KDM2A: variants seen among roughly 807,000 people sequenced by gnomAD.
KDM2A encodes lysine demethylase 2A.
Under a neutral mutation model 137.3 loss-of-function variants are expected in KDM2A, and 3 were observed. The ratio of observed to expected loss-of-function variants is 0.02; its 90% CI spans 0.01 to 0.06. The LOEUF (loss-of-function observed/expected upper bound fraction) is 0.06. KDM2A is among the 10% of genes least tolerant of loss of function. The pLI is 1.00. For missense variants in KDM2A, 738 were observed against 1,510.6 expected, an observed-to-expected ratio of 0.49 and a Z score of 8.48; for synonymous variants, 512 against 541.5, an observed-to-expected ratio of 0.95 and a Z score of 0.76.
At chr11:67,234,321 G>A (rs970149652) in intron 12 of KDM2A, among the ~76,000 whole-genome samples, 2 of 152,168 alleles carry the variant, frequency 1.3e-5, no homozygotes, top group African/African-American at 4.8e-5. Context: ...TTCAGTGGGG[G>A]ACAAAGCTAG....
intron 2 of KDM2A, among the ~76,000 whole-genome samples, chr11:67,131,300 G>C (rs1013297169): frequency 6.6e-6 from 1 of 151,694 alleles, no homozygotes; most frequent in South Asian, 2.1e-4. Context: ...CTCCAGCCTG[G>C]GTGACAAGAG....
chr11:67,143,700 T>A (rs1856176482), intron 2 of KDM2A, among the ~76,000 whole-genome samples: 1 of 152,040 alleles, frequency 6.6e-6, no homozygotes, highest in African/African-American at 2.4e-5. Flanking sequence ...TGACGCGATC[T>A]TGGCTCACTG....
chr11:67,128,851 T>A (rs1289667076), intron 2 of KDM2A, among the ~76,000 whole-genome samples: 1 of 152,214 alleles, frequency 6.6e-6, no homozygotes, highest in Non-Finnish European at 1.5e-5. Flanking sequence ...AAGTATTTGT[T>A]GATATTGTTG....
At chr11:67,242,124 G>C (rs1859062373) in intron 12 of KDM2A, among the ~76,000 whole-genome samples, 1 of 152,124 alleles carries the variant, frequency 6.6e-6, no homozygotes, top group South Asian at 2.1e-4. Flanking sequence ...CAGTCAACCA[G>C]TGTGATTCAC....
At chr11:67,143,944 A>G (rs970730737) in intron 2 of KDM2A, among the ~76,000 whole-genome samples, 4 of 142,900 alleles carry the variant, frequency 2.8e-5, no homozygotes, top group Admixed American at 1.4e-4. Context: ...AAAAAAAACT[A>G]TTTTTTTTTT....
intron 2 of KDM2A, among the ~76,000 whole-genome samples, chr11:67,130,047 C>T (rs186256246): frequency 1.1e-4 from 16 of 151,188 alleles, no homozygotes; most frequent in Middle Eastern, 3.4e-3. Flanking sequence ...ACTGCAACCT[C>T]CGCCTCCCGG....
chr11:67,179,932 C>T (rs1046627681), intron 2 of KDM2A, 147 bp from the exon 3 acceptor site: 1 of 715,614 alleles, frequency 1.4e-6, no homozygotes, highest in Non-Finnish European at 2.2e-6. Flanking sequence ...TATCAGCTAT[C>T]TTGAGAGAAA....
intron 2 of KDM2A, among the ~76,000 whole-genome samples, chr11:67,161,145 T>A (rs1856627633): frequency 6.6e-6 from 1 of 152,190 alleles, no homozygotes. Flanking sequence ...GAGGATTGCT[T>A]GAGGCTAGGA....
At chr11:67,214,912 C>CT (rs919222956) in intron 6 of KDM2A, among the ~76,000 whole-genome samples, 5 of 151,692 alleles carry the variant, frequency 3.3e-5, no homozygotes, top group African/African-American at 7.3e-5. Context: ...GGATTTTTTT[C>CT]TTTTTTTTGG....
At chr11:67,181,817 A>G (rs1336001398) in intron 4 of KDM2A, 29 bp from the exon 5 acceptor site, 3 of 1,606,594 alleles carry the variant, frequency 1.9e-6, no homozygotes, top group South Asian at 1.1e-5. Context: ...TGTGTTTTCC[A>G]TATATACTTA....
At position 67,228,430 on chromosome 11, in the gene KDM2A, G is replaced by A. The variant is rs561270214; in HGVS notation, c.1084+267G>A. 2.6e-5 allele frequency among the ~76,000 whole-genome samples: 4 copies of A among 152,202 alleles called. No individual in the cohort carries two copies. In the South Asian group the frequency reaches 6.2e-4, roughly 24 times the overall value. Reference sequence around the variant, plus strand: ...GATCAAGCCGGACACGCTGGTTCACGCCTGTAATCCTAGCACTTTGGGAGG... The same window carrying A: ...GATCAAGCCGGACACGCTGGTTCACACCTGTAATCCTAGCACTTTGGGAGG... On this transcript the variant is annotated intron_variant, in intron 11 of 20. Coordinates refer to ENST00000529006, the MANE Select transcript of KDM2A (RefSeq NM_012308.3).
At chr11:67,121,573 T>C (rs367751265) in intron 2 of KDM2A, among the ~76,000 whole-genome samples, 4 of 152,248 alleles carry the variant, frequency 2.6e-5, no homozygotes, top group African/African-American at 9.6e-5. Context: ...AATGGAGTTA[T>C]ATGTAGCCTT....
chr11:67,169,334 G>GA (rs1856823465), intron 2 of KDM2A, among the ~76,000 whole-genome samples: 2 of 150,902 alleles, frequency 1.3e-5, no homozygotes, highest in African/African-American at 4.9e-5. Context: ...TGTGAGACAT[G>GA]AAAATCTAAT....
intron 6 of KDM2A, among the ~76,000 whole-genome samples, chr11:67,213,524 G>A (rs1377464137): frequency 1.3e-5 from 2 of 152,118 alleles, no homozygotes; most frequent in Non-Finnish European, 2.9e-5. Context: ...TTGTGGGGCT[G>A]AGGCTGGTGG....
At chr11:67,253,738 A>C in intron 19 of KDM2A, 127 bp downstream of exon 19, 1 of 960,860 alleles carries the variant, frequency 1.0e-6, no homozygotes. Flanking sequence ...GCACAAAATG[A>C]AAACAGAATG....
At chr11:67,229,095 T>TA (rs1002167408) in intron 11 of KDM2A, among the ~76,000 whole-genome samples, 3 of 152,224 alleles carry the variant, frequency 2.0e-5, no homozygotes, top group African/African-American at 7.2e-5. Context: ...ATCATCAGAA[T>TA]AACCTGTTGT....
chr11:67,137,308 C>T (rs538442164), intron 2 of KDM2A, among the ~76,000 whole-genome samples: 4 of 152,224 alleles, frequency 2.6e-5, no homozygotes, highest in South Asian at 2.1e-4. Flanking sequence ...AGTAGTAATG[C>T]GTTTGGACCA....
At chr11:67,132,846 T>A (rs1461579100) in intron 2 of KDM2A, among the ~76,000 whole-genome samples, 2 of 152,000 alleles carry the variant, frequency 1.3e-5, no homozygotes, top group African/African-American at 4.8e-5. Context: ...AACTCTGGAG[T>A]TGGGGCCTAG....
Position 67,245,733 on chromosome 11 carries a change from T to A in KDM2A, c.1834-252T>A. 1.7e-6 allele frequency: 1 copy of A among 598,360 alleles called. No individual in the cohort carries two copies. Among genetic ancestry groups the A allele is most frequent in the Non-Finnish European group, 2.9e-6 (1 of 344,856 alleles). The allele number at this position is 598,360 out of a possible 1,614,324, so 37.1% of individuals were successfully genotyped here. A position where few individuals can be genotyped will look rare whatever the true frequency, so the allele number is the denominator to read the frequency against. On this transcript the variant is annotated intron_variant, in intron 14 of 20. Transcript: ENST00000529006. The surrounding 1 kb of genome is among the most constrained non-coding windows in gnomAD (Gnocchi z 4.1). ...CTTTCTTTCCCCTCTTCAGGTAGAT[T>A]AGAAAGGACCGGGGAGGCCAAGTAT... is the stretch of plus-strand genomic sequence containing the variant.
Sources: gnomAD v4.1 joint callset for allele counts (sites outside exome capture counted in the v4.1 genomes callset) on GRCh38, gnomAD v4.1.1 for gene constraint, Gnocchi (gnomAD v3.1) non-coding constraint, MANE v1.5 for transcripts, NCBI Gene and HGNC (gene_info 2026-07-23, HGNC 2026-07-21) for gene names.